DDX10: variants seen among roughly 807,000 people sequenced by gnomAD.
DDX10 encodes the protein probable ATP-dependent RNA helicase DDX10.
Under a neutral mutation model 104.3 loss-of-function variants are expected in DDX10, and 74 were observed. The observed-to-expected ratio is 0.71, with a 90% CI of 0.59 to 0.86. The LOEUF is 0.86. Ranked by LOEUF, DDX10 falls within the 40% of genes least tolerant of loss-of-function variation. The pLI is 0.00. For missense variants in DDX10, 952 were observed against 1,040.0 expected (o/e 0.92, Z 1.16); for synonymous variants, 351 against 353.4 (o/e 0.99, Z 0.08).
chr11:108,703,664 T>G (rs1438300545), intron 9 of DDX10, among the ~76,000 whole-genome samples: 1 of 138,574 alleles, frequency 7.2e-6, no homozygotes, highest in Non-Finnish European at 1.6e-5. Flanking sequence ...TTATTTCTTA[T>G]ATGTTTAGCC....
chr11:108,768,203 G>C (rs1419449354), intron 13 of DDX10, among the ~76,000 whole-genome samples: 4 of 152,146 alleles, frequency 2.6e-5, no homozygotes, highest in African/African-American at 4.8e-5. Context: ...GTGGATTTTT[G>C]ACTGCCTGCC....
At chr11:108,693,720 G>T in intron 9 of DDX10, 120 bp downstream of exon 9, 2 of 767,616 alleles carry the variant, frequency 2.6e-6, no homozygotes, top group South Asian at 3.0e-5. Flanking sequence ...GGCATTTTGT[G>T]GTGTGAGTTG....
At position 108,940,346 on chromosome 11, in the gene DDX10, T is replaced by TA. The variant is rs761277325; in HGVS notation, c.2551_2552insA (p.Leu851TyrfsTer14). 11 of 1,613,976 alleles carry TA rather than the reference T, an allele frequency of 6.8e-6. No homozygotes were observed. Among genetic ancestry groups the TA allele is most frequent in the Non-Finnish European group, 9.3e-6 (11 of 1,179,988 alleles). ...CAGAAAGAAGGCCAGGTGGGACACT[T>TA]TAGAGCCTTTGGATACCGGCCTGTC... On this transcript the variant is annotated frameshift_variant, in exon 18 of 18. Transcript: ENST00000322536. LOFTEE classifies it high-confidence loss of function.
At chr11:108,785,682 T>C (rs1041016246) in intron 13 of DDX10, among the ~76,000 whole-genome samples, 2 of 152,194 alleles carry the variant, frequency 1.3e-5, no homozygotes, top group African/African-American at 2.4e-5. Context: ...TCCAGGAACT[T>C]ATCCATTTCC....
chr11:108,698,266 G>T (rs918548701), intron 9 of DDX10, among the ~76,000 whole-genome samples: 1 of 152,144 alleles, frequency 6.6e-6, no homozygotes, highest in South Asian at 2.1e-4. Flanking sequence ...AATAATAAAA[G>T]TAAAAAGACA....
At chr11:108,853,563 G>A (rs1347148843) in intron 16 of DDX10, among the ~76,000 whole-genome samples, 4 of 151,418 alleles carry the variant, frequency 2.6e-5, no homozygotes, top group African/African-American at 9.7e-5. Flanking sequence ...AATGGTTTAA[G>A]CTGTAAGAAG....
chr11:108,902,237 A>ATTTATGC (rs1393073584), intron 16 of DDX10, among the ~76,000 whole-genome samples: 1,696 of 152,312 alleles, frequency 0.011, 39 homozygotes, highest in African/African-American at 0.037. Flanking sequence ...ATATATCTAA[A>ATTTATGC]CAGCAGCATA....
intron 13 of DDX10, among the ~76,000 whole-genome samples, chr11:108,798,513 T>C (rs1861976628): frequency 1.3e-5 from 2 of 152,240 alleles, no homozygotes. Context: ...TGAATTTGGC[T>C]ACTCTAGATA....
chr11:108,758,852 A>G (rs975979433), intron 13 of DDX10, among the ~76,000 whole-genome samples: 12 of 152,066 alleles, frequency 7.9e-5, no homozygotes, highest in Admixed American at 3.3e-4. Flanking sequence ...CCATGTAACT[A>G]TATTCACAGG....
chr11:108,708,346 C>CTT, intron 10 of DDX10, among the ~76,000 whole-genome samples: 1 of 93,582 alleles, frequency 1.1e-5, no homozygotes, highest in South Asian at 3.6e-4. Context: ...ACATTAAGGT[C>CTT]TTTTTTTTTT....
intron 16 of DDX10, among the ~76,000 whole-genome samples, chr11:108,857,061 G>A (rs1201716896): frequency 6.6e-6 from 1 of 152,204 alleles, no homozygotes; most frequent in South Asian, 2.1e-4. Context: ...AGGGCTGAAA[G>A]CAAGTGAATG....
At chr11:108,698,973 C>T (rs993610229) in intron 9 of DDX10, among the ~76,000 whole-genome samples, 6 of 152,166 alleles carry the variant, frequency 3.9e-5, no homozygotes, top group African/African-American at 9.7e-5. Context: ...TCTTCCTCAC[C>T]CTCCCCAACC....
At chr11:108,904,596 A>G (rs1232016199) in intron 16 of DDX10, among the ~76,000 whole-genome samples, 1 of 152,214 alleles carries the variant, frequency 6.6e-6, no homozygotes, top group Non-Finnish European at 1.5e-5. Flanking sequence ...CTGGGTTCCT[A>G]CTTGGAGAAG....
chr11:108,919,982 T>G (rs376434835), intron 17 of DDX10: 2 of 151,946 alleles, frequency 1.3e-5, no homozygotes, highest in South Asian at 4.1e-4. Flanking sequence ...AACACTTAAC[T>G]GCTCTAGCCT....
chr11:108,939,088 G>A (rs1243179643), intron 17 of DDX10, among the ~76,000 whole-genome samples: 2 of 152,152 alleles, frequency 1.3e-5, no homozygotes, highest in African/African-American at 4.8e-5. Flanking sequence ...ATTTATCTAA[G>A]TTCATTTAAT....
chr11:108,851,406 T>C (rs958336681), intron 15 of DDX10, among the ~76,000 whole-genome samples: 1 of 152,188 alleles, frequency 6.6e-6, no homozygotes, highest in Non-Finnish European at 1.5e-5. Flanking sequence ...CAACTTAATT[T>C]AGGCACAGAT....
At chr11:108,861,363 G>A (rs1862939069) in intron 16 of DDX10, among the ~76,000 whole-genome samples, 1 of 152,124 alleles carries the variant, frequency 6.6e-6, no homozygotes, top group Non-Finnish European at 1.5e-5. Context: ...TTGGACGGGT[G>A]AGTGTGTTTC....
intron 4 of DDX10, 47 bp downstream of exon 4, chr11:108,677,290 T>A: frequency 1.3e-6 from 2 of 1,528,812 alleles, no homozygotes; most frequent in Non-Finnish European, 1.8e-6. Flanking sequence ...TAACCTATAC[T>A]GGAGTACTGT....
chr11:108,903,913 ATTAAG>A (rs1484382094), intron 16 of DDX10, among the ~76,000 whole-genome samples: 1 of 152,180 alleles, frequency 6.6e-6, no homozygotes, highest in Non-Finnish European at 1.5e-5. Flanking sequence ...GTGGATATGT[ATTAAG>A]TTCTCTTGGG....
Sources: allele counts gnomAD v4.1 joint callset (sites outside exome capture counted in the v4.1 genomes callset), GRCh38; gene constraint gnomAD v4.1.1; transcripts MANE v1.5; gene names NCBI Gene and HGNC (gene_info 2026-07-23, HGNC 2026-07-21).